The following CPED1 variants were observed in gnomAD, a reference collection of about 807,000 sequenced individuals.
CPED1 encodes cadherin like and PC-esterase domain containing 1, also known as cadherin-like and PC-esterase domain-containing protein 1.
CPED1 carries 114 observed loss-of-function variants against 128.2 expected under a neutral mutation model. The observed-to-expected ratio is 0.89, with a 90% CI of 0.76 to 1.04. CPED1 has a LOEUF of 1.04. CPED1 is among the 50% of genes least tolerant of loss of function. CPED1 has a pLI of 0.00. For missense variants in CPED1, 1,211 were observed against 1,207.1 expected, an observed-to-expected ratio of 1.00 and a Z score of -0.05; for synonymous variants, 462 against 426.7, an observed-to-expected ratio of 1.08 and a Z score of -1.02.
intron 6 of CPED1, among the ~76,000 whole-genome samples, chr7:121,098,411 T>C (rs1794752696): frequency 6.6e-6 from 1 of 152,138 alleles, no homozygotes; most frequent in Non-Finnish European, 1.5e-5. Flanking sequence ...AAGAATCATA[T>C]GCATCTTGTG....
intron 2 of CPED1, among the ~76,000 whole-genome samples, chr7:121,007,231 A>ATTTTTTTTTTTTTT (rs398006038): frequency 1.5e-5 from 2 of 129,824 alleles, no homozygotes. Context: ...TTCAGGTTGC[A>ATTTTTTTTTTTTTT]TTTTTTTTTT....
At chr7:121,166,975 G>A (rs536416926) in intron 16 of CPED1, among the ~76,000 whole-genome samples, 162 of 152,226 alleles carry the variant, frequency 1.1e-3, no homozygotes, top group African/African-American at 3.7e-3. Flanking sequence ...GTCCTTTTGG[G>A]ACACAACACA....
chr7:121,219,900 C>CA (rs918328401), intron 16 of CPED1, among the ~76,000 whole-genome samples: 1 of 151,906 alleles, frequency 6.6e-6, no homozygotes, highest in Non-Finnish European at 1.5e-5. Flanking sequence ...ATTTTCTGCA[C>CA]AAAAAATAGA....
intron 5 of CPED1, among the ~76,000 whole-genome samples, chr7:121,073,154 C>A (rs891861690): frequency 6.6e-6 from 1 of 152,092 alleles, no homozygotes; most frequent in East Asian, 1.9e-4. Context: ...TTAACACATA[C>A]TTTGTATGCT....
At position 121,047,010 on chromosome 7, in the gene CPED1, T is replaced by G. The variant is rs146583586; in HGVS notation, c.540+17T>G. On this transcript the variant is annotated intron_variant, in intron 4 of 22. Transcript: ENST00000310396. ...CATCAAAAGGTAAATACTCTCAAGA[T>G]GTGCACAGATTTTATCAGCCCTACA... 1.1e-4 allele frequency: 167 copies of G among 1,497,142 alleles called. 2 individuals carry two copies. In the East Asian group the frequency reaches 3.7e-3, roughly 33 times the overall value. The allele number at this position is 1,497,142 out of a possible 1,614,324, so 92.7% of individuals were successfully genotyped here.
chr7:121,253,979 C>A (rs955665281), intron 18 of CPED1, among the ~76,000 whole-genome samples: 1 of 151,830 alleles, frequency 6.6e-6, no homozygotes, highest in Non-Finnish European at 1.5e-5. Context: ...ACTTTAACAC[C>A]CCACTGACAG....
chr7:121,064,820 T>G (rs1055114672), intron 5 of CPED1, among the ~76,000 whole-genome samples: 1 of 152,188 alleles, frequency 6.6e-6, no homozygotes, highest in African/African-American at 2.4e-5. Flanking sequence ...ATCTTCAGTT[T>G]CCTCATAGGT....
chr7:121,231,642 G>A (rs1404164252), intron 16 of CPED1, among the ~76,000 whole-genome samples: 1 of 152,048 alleles, frequency 6.6e-6, no homozygotes, highest in African/African-American at 2.4e-5. Flanking sequence ...ATTGTTCCAG[G>A]ATTGGAGAGT....
intron 19 of CPED1, 123 bp from the exon 20 acceptor site, chr7:121,266,584 G>T: frequency 5.2e-6 from 6 of 1,162,214 alleles, no homozygotes; most frequent in Non-Finnish European, 7.7e-6. Flanking sequence ...CAGAAAACAA[G>T]TTGGAAAGTA....
At chr7:121,085,565 G>T (rs1794403454) in intron 5 of CPED1, among the ~76,000 whole-genome samples, 1 of 152,086 alleles carries the variant, frequency 6.6e-6, no homozygotes, top group Admixed American at 6.5e-5. Flanking sequence ...ATACAAAAAA[G>T]TGCCTTTCTT....
chr7:120,995,186 T>C (rs952175545), intron 2 of CPED1, among the ~76,000 whole-genome samples: 4 of 152,162 alleles, frequency 2.6e-5, no homozygotes, highest in African/African-American at 7.2e-5. Flanking sequence ...ACTTCCTTGT[T>C]ACCTCTCCCG....
intron 20 of CPED1, 42 bp downstream of exon 20, chr7:121,266,850 A>G: frequency 7.0e-7 from 1 of 1,425,184 alleles, no homozygotes; most frequent in Non-Finnish European, 9.9e-7. Context: ...ATTCTAAGTC[A>G]AAAAAGTTAC....
At chr7:121,191,701 T>C (rs932553002) in intron 16 of CPED1, among the ~76,000 whole-genome samples, 38 of 152,114 alleles carry the variant, frequency 2.5e-4, no homozygotes, top group African/African-American at 8.0e-4. Flanking sequence ...CTGAGAAGTA[T>C]ATCAGTTTCA....
At chr7:121,047,488 C>G (rs1793228923) in intron 4 of CPED1, among the ~76,000 whole-genome samples, 1 of 152,014 alleles carries the variant, frequency 6.6e-6, no homozygotes, top group Non-Finnish European at 1.5e-5. Flanking sequence ...TTACCATGTG[C>G]TAATCACTGT....
intron 16 of CPED1, among the ~76,000 whole-genome samples, chr7:121,185,370 G>A (rs968067917): frequency 2.0e-5 from 3 of 152,162 alleles, no homozygotes; most frequent in African/African-American, 7.2e-5. Context: ...AAATAGCATA[G>A]AAAGACATGC....
chr7:121,028,747 G>C (rs1585027183), intron 3 of CPED1, among the ~76,000 whole-genome samples: 1 of 152,296 alleles, frequency 6.6e-6, no homozygotes, highest in East Asian at 1.9e-4. Context: ...AATTTCTCCA[G>C]ATGCTTTTCA....
chr7:121,136,871 C>G (rs1352266849), intron 14 of CPED1, among the ~76,000 whole-genome samples: 1 of 151,798 alleles, frequency 6.6e-6, no homozygotes, highest in African/African-American at 2.4e-5. Flanking sequence ...TCTCTGTACT[C>G]CAGCCTGAGT....
chr7:121,297,382 AAAT>A lies in CPED1; in HGVS notation c.*1737_*1739del, dbSNP rs1792842801. ...TCTGGTATTTATCTCTTCGCTGCTG[AAAT>A]AATAATGGATTTTAGAAACAATTGT... On this transcript the variant is annotated 3_prime_UTR_variant, in exon 23 of 23. Transcript: ENST00000310396. 1 of 152,162 alleles carries A rather than the reference AAAT, an allele frequency of 6.6e-6. No homozygotes were observed. The highest frequency in any genetic ancestry group is 6.6e-5 in the Admixed American group (1 of 15,266). The allele number at this position is 152,162 out of a possible 1,614,324, so 9.4% of individuals were successfully genotyped here.
At chr7:121,207,653 A>C (rs527456189) in intron 16 of CPED1, among the ~76,000 whole-genome samples, 2 of 152,192 alleles carry the variant, frequency 1.3e-5, no homozygotes, top group Admixed American at 6.6e-5. Context: ...GGCCAACGTG[A>C]CTTAAAACCT....
Sources: allele counts gnomAD v4.1 joint callset (sites outside exome capture counted in the v4.1 genomes callset), GRCh38; gene constraint gnomAD v4.1.1; transcripts MANE v1.5; gene names NCBI Gene and HGNC (gene_info 2026-07-23, HGNC 2026-07-21).